The following SLC1A6 variants were observed in gnomAD, a reference collection of about 807,000 sequenced individuals.
SLC1A6 encodes the protein solute carrier family 1 member 6.
SLC1A6 carries 15 observed loss-of-function variants against 42.1 expected under a neutral mutation model. The observed-to-expected ratio is 0.36, with a 90% confidence interval of 0.24 to 0.55. The LOEUF (loss-of-function observed/expected upper bound fraction) is 0.55. Ranked by LOEUF, SLC1A6 falls within the 20% of genes least tolerant of loss-of-function variation. SLC1A6 has a pLI of 0.88. For missense variants in SLC1A6, 542 were observed against 772.5 expected, an observed-to-expected ratio of 0.70 and a Z score of 3.54; for synonymous variants, 317 against 319.7, an observed-to-expected ratio of 0.99 and a Z score of 0.09.
At chr19:15,002,119 T>A (rs1235918997) in intron 1 of SLC1A6, among the ~76,000 whole-genome samples, 1 of 152,116 alleles carries the variant, frequency 6.6e-6, no homozygotes, top group African/African-American at 2.4e-5. Flanking sequence ...AGACAGGATC[T>A]TGCTGTGTTA....
At chr19:15,005,458 G>A (rs992484030) in intron 1 of SLC1A6, among the ~76,000 whole-genome samples, 2 of 151,922 alleles carry the variant, frequency 1.3e-5, no homozygotes, top group African/African-American at 2.4e-5. Flanking sequence ...GCAGTGAACC[G>A]AGATCGCGCC....
chr19:14,981,022 G>A (rs1203606964), upstream of SLC1A6, among the ~76,000 whole-genome samples: 1 of 152,026 alleles, frequency 6.6e-6, no homozygotes, highest in African/African-American at 2.4e-5. Context: ...GCCTGACATA[G>A]TGGCCCATGC....
At chr19:14,980,410 A>C (rs1345419708), upstream of SLC1A6, 2 of 152,290 alleles carry the variant, frequency 1.3e-5, no homozygotes, top group Admixed American at 6.5e-5. Flanking sequence ...CTCGAAAGGC[A>C]ATGACTTGGT....
rs1403758612 is a variant in SLC1A6, at chr19:14,952,942, G to A, written c.1485C>T (p.Ala495=). ...AGAACACTCACAGGAACCAGTCCAC[G>A]GCAATGATGAGCGTGATGTCTTCCG... is the stretch of plus-strand genomic sequence containing the variant. The part of the protein sequence containing the change: ...LPTEDITLII[A]VDWFLDRLRT... Residue 495 remains alanine (A), a synonymous_variant, in exon 9 of 10, where the codon GCC becomes GCT. Coordinates refer to ENST00000594383, the MANE Select transcript of SLC1A6 (RefSeq NM_005071.3). 15 of 1,613,702 alleles carry A rather than the reference G, an allele frequency of 9.3e-6. No individual in the cohort carries two copies. The highest frequency in any genetic ancestry group is 4.0e-5 in the African/African-American group (3 of 74,882).
intron 1 of SLC1A6, among the ~76,000 whole-genome samples, chr19:15,004,051 C>T (rs6512001): frequency 2.6e-5 from 4 of 152,124 alleles, no homozygotes; most frequent in African/African-American, 9.6e-5. Context: ...AGCTACTCAG[C>T]AGGCTGAGGC....
intron 4 of SLC1A6, 73 bp from the exon 5 acceptor site, chr19:14,964,434 A>C (rs2045551009): frequency 4.2e-6 from 5 of 1,188,542 alleles, no homozygotes; most frequent in African/African-American, 1.5e-5. Flanking sequence ...CAGTAATACT[A>C]ACACCAAGAA....
chr19:14,980,664 A>C (rs2145223871), upstream of SLC1A6, among the ~76,000 whole-genome samples: 1 of 152,094 alleles, frequency 6.6e-6, no homozygotes, highest in East Asian at 1.9e-4. Flanking sequence ...CAAAAAAAAA[A>C]AAAAAAAGTC....
intron 9 of SLC1A6, among the ~76,000 whole-genome samples, chr19:14,951,267 A>AG (rs1276820569): frequency 0.035 from 4,847 of 139,108 alleles, 185 homozygotes; most frequent in African/African-American, 0.08. Context: ...AAAAAAAAAA[A>AG]AAAAAAAAAA....
chr19:15,002,991 T>TGTTGTTGTTA (rs2045879472), intron 1 of SLC1A6, among the ~76,000 whole-genome samples: 1 of 152,142 alleles, frequency 6.6e-6, no homozygotes, highest in African/African-American at 2.4e-5. Context: ...GTTGTTATTT[T>TGTTGTTGTTA]GTTTTTTGTA....
chr19:14,985,987 C>A (rs191009480), intron 1 of SLC1A6, among the ~76,000 whole-genome samples: 5 of 152,096 alleles, frequency 3.3e-5, no homozygotes, highest in Admixed American at 3.3e-4. Flanking sequence ...AACAGACACA[C>A]ACACAGACTA....
chr19:14,990,457 C>G (rs968843976), intron 1 of SLC1A6, among the ~76,000 whole-genome samples: 1 of 152,078 alleles, frequency 6.6e-6, no homozygotes, highest in Non-Finnish European at 1.5e-5. Context: ...CAAAGGATAC[C>G]GAATTTCAGT....
intron 9 of SLC1A6, 131 bp downstream of exon 9, chr19:14,952,797 C>T (rs2045425585): frequency 3.3e-6 from 4 of 1,207,666 alleles, no homozygotes; most frequent in South Asian, 3.8e-5. Context: ...TCTCCAAGGC[C>T]TCCTTTTCAC....
chr19:14,999,840 GTTTT>G (rs35469627), intron 1 of SLC1A6, among the ~76,000 whole-genome samples: 2 of 152,086 alleles, frequency 1.3e-5, no homozygotes, highest in African/African-American at 4.8e-5. Context: ...TATAAAATAG[GTTTT>G]TTTGTTTTTT....
At chr19:14,986,101 AT>A (rs34189680) in intron 1 of SLC1A6, among the ~76,000 whole-genome samples, 99,868 of 145,836 alleles carry the variant, frequency 0.68, 33,786 homozygotes, top group African/African-American at 0.73. Context: ...ACAAGCAGTA[AT>A]TTTTTTTTTT....
chr19:14,997,779 C>T (rs946328880), intron 1 of SLC1A6, among the ~76,000 whole-genome samples: 1 of 152,174 alleles, frequency 6.6e-6, no homozygotes, highest in Non-Finnish European at 1.5e-5. Flanking sequence ...GGAATTTATT[C>T]TCACACAGTC....
At chr19:14,995,112 G>A (rs11671371) in intron 1 of SLC1A6, among the ~76,000 whole-genome samples, 25,140 of 151,858 alleles carry the variant, frequency 0.17, 2,714 homozygotes, top group East Asian at 0.47. Flanking sequence ...ATCACCTGAG[G>A]TCAGGAGTTC....
chr19:14,983,122 A>C (rs7254857), upstream of SLC1A6, among the ~76,000 whole-genome samples: 291 of 152,240 alleles, frequency 1.9e-3, 1 homozygote, highest in South Asian at 0.011. Flanking sequence ...AGATTCTGAC[A>C]TTTTTCTGGG....
At chr19:15,007,732 T>C (rs1489695132) in intron 1 of SLC1A6, among the ~76,000 whole-genome samples, 1 of 151,978 alleles carries the variant, frequency 6.6e-6, no homozygotes, top group Non-Finnish European at 1.5e-5. Flanking sequence ...CCAATTAAAA[T>C]CACAATGAGA....
At chr19:15,001,854 G>A (rs1249480972) in intron 1 of SLC1A6, among the ~76,000 whole-genome samples, 1 of 152,006 alleles carries the variant, frequency 6.6e-6, no homozygotes, top group Non-Finnish European at 1.5e-5. Context: ...TAGAGCCAGG[G>A]TTTACCATGT....
Sources: allele counts gnomAD v4.1 joint callset (sites outside exome capture counted in the v4.1 genomes callset), GRCh38; gene constraint gnomAD v4.1.1; transcripts MANE v1.5; gene names NCBI Gene and HGNC (gene_info 2026-07-23, HGNC 2026-07-21).